Variants in RBFOX3 observed in about 807,000 individuals in gnomAD.
RBFOX3 encodes the protein RNA binding fox-1 homolog 3.
RBFOX3 carries 17 observed loss-of-function variants against 48.7 expected under a neutral mutation model. That is an observed-to-expected ratio of 0.35 (90% CI 0.24 to 0.52). The LOEUF is 0.52. Among genes scored for constraint, RBFOX3 ranks in the 20% least tolerant of loss-of-function variants. The pLI is 0.94. For synonymous variants in RBFOX3, 212 were observed against 209.5 expected, an observed-to-expected ratio of 1.01 and a Z score of -0.10; for missense variants, 382 against 497.5, an observed-to-expected ratio of 0.77 and a Z score of 2.21.
At chr17:79,134,453 T>A (rs2143593454) in intron 4 of RBFOX3, among the ~76,000 whole-genome samples, 1 of 152,344 alleles carries the variant, frequency 6.6e-6, no homozygotes, top group Non-Finnish European at 1.5e-5. Flanking sequence ...TGCTCACGCC[T>A]GGTCGGTCAC....
chr17:79,393,503 C>G (rs1467604461), intron 2 of RBFOX3, among the ~76,000 whole-genome samples: 1 of 152,252 alleles, frequency 6.6e-6, no homozygotes, highest in Non-Finnish European at 1.5e-5. Context: ...GGCTCCTGGT[C>G]GGCAATCTGC....
At chr17:79,370,467 CATACACTCACACACGT>C (rs2058367683) in intron 2 of RBFOX3, among the ~76,000 whole-genome samples, 1 of 152,146 alleles carries the variant, frequency 6.6e-6, no homozygotes, top group Non-Finnish European at 1.5e-5. Flanking sequence ...CACATACTAA[CATACACTCACACACGT>C]GCTCACTCAC....
intron 2 of RBFOX3, among the ~76,000 whole-genome samples, chr17:79,463,886 CCAT>C (rs1281576462): frequency 8.1e-4 from 122 of 151,334 alleles, no homozygotes; most frequent in African/African-American, 2.7e-3. Flanking sequence ...ACTGCCACCA[CCAT>C]CGCCATCACC....
chr17:79,477,281 G>C lies in RBFOX3; in HGVS notation c.-175+5173C>G, dbSNP rs1465075143. Reference sequence around the variant, plus strand: ...TTAAAAAAAAAAAAAAAAAAAGAGGGCGCGGTGGCTCACACCTGTAATCCC... The same window carrying C: ...TTAAAAAAAAAAAAAAAAAAAGAGGCCGCGGTGGCTCACACCTGTAATCCC... On this transcript the variant is annotated intron_variant, in intron 2 of 14. Transcript: ENST00000693108. This position sits in a 1 kb window ranked among gnomAD's most constrained non-coding sequence, Gnocchi z 4.8. Among the ~76,000 whole-genome samples, 1 of 148,316 alleles carries C rather than the reference G, an allele frequency of 6.7e-6. No homozygotes were observed. Among genetic ancestry groups the C allele is most frequent in the Non-Finnish European group, 1.5e-5 (1 of 67,208 alleles).
intron 1 of RBFOX3, among the ~76,000 whole-genome samples, chr17:79,529,400 CTA>C (rs1429244622): frequency 2.0e-5 from 3 of 152,174 alleles, no homozygotes; most frequent in East Asian, 1.9e-4. Context: ...CCTTCTAGTC[CTA>C]TGTTTTCAAT....
Position 79,477,580 on chromosome 17 carries a change from A to G in RBFOX3, c.-175+4874T>C, listed in dbSNP as rs113184442. Among the ~76,000 whole-genome samples the G allele has an allele frequency of 0.027, 4,126 of 150,138 alleles. 222 individuals carry two copies. Among genetic ancestry groups the G allele is most frequent in the African/African-American group, 0.093 (3,831 of 41,032 alleles). ...CCGGAAAAAAAAAAAGAGGAGGAGG[A>G]GTAGGAAAAAAGGGTGAAACAGAAG... On this transcript the variant is annotated intron_variant, in intron 2 of 14. Coordinates refer to ENST00000693108, the MANE Select transcript of RBFOX3 (RefSeq NM_001350451.2). The surrounding 1 kb of genome is among the most constrained non-coding windows in gnomAD (Gnocchi z 4.8).
intron 1 of RBFOX3, among the ~76,000 whole-genome samples, chr17:79,557,185 C>A (rs2091826729): frequency 6.9e-6 from 1 of 145,454 alleles, no homozygotes; most frequent in Non-Finnish European, 1.5e-5. Context: ...GAGGTCGCAC[C>A]ACTGCACTCC....
the RBFOX3 span, among the ~76,000 whole-genome samples, chr17:79,646,039 C>G: frequency 6.6e-6 from 1 of 152,230 alleles, no homozygotes; most frequent in Non-Finnish European, 1.5e-5. Flanking sequence ...TTCTCTTGGT[C>G]TCCTGGCCTC....
At chr17:79,519,837 T>C (rs2085798422) in intron 1 of RBFOX3, among the ~76,000 whole-genome samples, 2 of 152,126 alleles carry the variant, frequency 1.3e-5, no homozygotes, top group South Asian at 4.1e-4. Context: ...AACACCCATA[T>C]GTGCTGTCCC....
At chr17:79,274,783 G>T (rs2068416334) in intron 3 of RBFOX3, among the ~76,000 whole-genome samples, 2 of 152,022 alleles carry the variant, frequency 1.3e-5, no homozygotes, top group Non-Finnish European at 2.9e-5. Flanking sequence ...GAAAGCCCAG[G>T]AGGCACGCTT....
At chr17:79,259,154 G>A (rs898099917) in intron 3 of RBFOX3, among the ~76,000 whole-genome samples, 10 of 152,252 alleles carry the variant, frequency 6.6e-5, no homozygotes, top group African/African-American at 2.2e-4. Context: ...GGTACTGAAT[G>A]CTGTTTTTCT....
At position 79,363,182 on chromosome 17, in the gene RBFOX3, G is replaced by A. The variant is rs2057238349; in HGVS notation, c.-174-55358C>T. Among the ~76,000 whole-genome samples the A allele has an allele frequency of 6.6e-6, 1 of 152,204 alleles. No homozygotes were observed. Among genetic ancestry groups the A allele is most frequent in the Non-Finnish European group, 1.5e-5 (1 of 68,024 alleles). Reference sequence around the variant, plus strand: ...GACTCCTGTGTCTGAGGTGGCTCCTGCACTCCTGAGCGTGGCCAGGGGTTC... The same window carrying A: ...GACTCCTGTGTCTGAGGTGGCTCCTACACTCCTGAGCGTGGCCAGGGGTTC... On this transcript the variant is annotated intron_variant, in intron 2 of 14. Coordinates refer to ENST00000693108, the MANE Select transcript of RBFOX3 (RefSeq NM_001350451.2). This position sits in a 1 kb window ranked among gnomAD's most constrained non-coding sequence, Gnocchi z 4.7.
At chr17:79,404,625 C>T (rs563925034) in intron 2 of RBFOX3, among the ~76,000 whole-genome samples, 1 of 152,000 alleles carries the variant, frequency 6.6e-6, no homozygotes, top group Admixed American at 6.6e-5. Context: ...TGTCCCTCCC[C>T]TCCCATTACC....
chr17:79,398,337 A>C (rs978730306), intron 2 of RBFOX3, among the ~76,000 whole-genome samples: 1 of 152,158 alleles, frequency 6.6e-6, no homozygotes, highest in African/African-American at 2.4e-5. Flanking sequence ...GGTTTCAGAA[A>C]AGTGGGAAAG....
At chr17:79,438,013 A>AG (rs2069922978) in intron 2 of RBFOX3, among the ~76,000 whole-genome samples, 1 of 152,152 alleles carries the variant, frequency 6.6e-6, no homozygotes, top group African/African-American at 2.4e-5. Flanking sequence ...ATGTACACAG[A>AG]GGGGCACAAG....
At chr17:79,541,747 G>A (rs1207853270) in intron 1 of RBFOX3, among the ~76,000 whole-genome samples, 1 of 152,196 alleles carries the variant, frequency 6.6e-6, no homozygotes, top group Non-Finnish European at 1.5e-5. Flanking sequence ...GGATTTCAGT[G>A]GAAACTCTGG....
rs1034597608 is a variant in RBFOX3, at chr17:79,103,697, G to A, written c.414+376C>T. ...GTAGAGGGTCGTGCCTTCCTGGAAG[G>A]GGAGTAGGGCTTGTCTCCGCCGGAC... On this transcript the variant is annotated intron_variant, in intron 7 of 14. Coordinates refer to ENST00000693108, the MANE Select transcript of RBFOX3 (RefSeq NM_001350451.2). This position sits in a 1 kb window ranked among gnomAD's most constrained non-coding sequence, Gnocchi z 6.1. Among the ~76,000 whole-genome samples, 1 of 152,096 alleles carries A rather than the reference G, an allele frequency of 6.6e-6. No homozygotes were observed. Among genetic ancestry groups the A allele is most frequent in the African/African-American group, 2.4e-5 (1 of 41,420 alleles).
intron 3 of RBFOX3, among the ~76,000 whole-genome samples, chr17:79,238,895 G>C (rs1476072408): frequency 6.6e-6 from 1 of 152,170 alleles, no homozygotes; most frequent in Non-Finnish European, 1.5e-5. Flanking sequence ...AGAGCCGGTC[G>C]AGCCTGATGC....
At chr17:79,330,631 T>G (rs1474899341) in intron 2 of RBFOX3, among the ~76,000 whole-genome samples, 1 of 152,152 alleles carries the variant, frequency 6.6e-6, no homozygotes, top group African/African-American at 2.4e-5. Flanking sequence ...CCCACACCCC[T>G]GACTCTCACC....
Sources: gnomAD v4.1 joint callset for allele counts (sites outside exome capture counted in the v4.1 genomes callset) on GRCh38, gnomAD v4.1.1 for gene constraint, Gnocchi (gnomAD v3.1) non-coding constraint, MANE v1.5 for transcripts, NCBI Gene and HGNC (gene_info 2026-07-23, HGNC 2026-07-21) for gene names.